The following DRAXIN variants were observed in gnomAD, a reference collection of about 807,000 sequenced individuals.
DRAXIN encodes the protein dorsal inhibitory axon guidance protein.
A neutral mutation model predicts 33.9 loss-of-function variants in DRAXIN; 27 were observed. The ratio of observed to expected loss-of-function variants is 0.80; its 90% confidence interval spans 0.59 to 1.10. The LOEUF is 1.10. DRAXIN is among the 50% of genes least tolerant of loss of function. The pLI is 0.00. For missense variants in DRAXIN, 371 were observed against 460.8 expected, an observed-to-expected ratio of 0.81 and a Z score of 1.78; for synonymous variants, 178 against 194.0, an observed-to-expected ratio of 0.92 and a Z score of 0.69.
chr1:11,701,908 TG>T (rs1335856680), intron 1 of DRAXIN, among the ~76,000 whole-genome samples: 1 of 152,182 alleles, frequency 6.6e-6, no homozygotes, highest in Non-Finnish European at 1.5e-5. Context: ...CCTGCCAGGC[TG>T]GCATCTCAGT....
intron 1 of DRAXIN, 112 bp downstream of exon 1, chr1:11,691,965 C>A (rs1435549785): frequency 6.6e-6 from 1 of 151,752 alleles, no homozygotes; most frequent in Admixed American, 6.6e-5. Context: ...GCGCGGGGTC[C>A]CGAGGCTGGA....
chr1:11,719,854 G>T lies in DRAXIN; in HGVS notation c.*158G>T. 7 of 692,320 alleles carry T rather than the reference G, an allele frequency of 1.0e-5. No individual in the cohort carries two copies. The highest frequency in any genetic ancestry group is 1.7e-5 in the Non-Finnish European group (7 of 404,544). The allele number at this position is 692,320 out of a possible 1,614,324, so 42.9% of individuals were successfully genotyped here. A position where few individuals can be genotyped will look rare whatever the true frequency, so the allele number is the denominator to read the frequency against. On this transcript the variant is annotated 3_prime_UTR_variant, in exon 7 of 7. Coordinates refer to ENST00000294485, the MANE Select transcript of DRAXIN (RefSeq NM_198545.4). ...CCAGGAGGGGAGCCGCTCGGCGAAT[G>T]AGCTGGGTGGGTGCCCAGGAGCCGG...
chr1:11,701,891 G>C (rs1641280630), intron 1 of DRAXIN, among the ~76,000 whole-genome samples: 1 of 152,170 alleles, frequency 6.6e-6, no homozygotes, highest in South Asian at 2.1e-4. Context: ...CGTTTCCTCG[G>C]GGGCTCCCTG....
chr1:11,706,753 C>T lies in DRAXIN; in HGVS notation c.451+44C>T. On this transcript the variant is annotated intron_variant, in intron 2 of 6. Coordinates refer to ENST00000294485, the MANE Select transcript of DRAXIN (RefSeq NM_198545.4). This position sits in a 1 kb window ranked among gnomAD's most constrained non-coding sequence, Gnocchi z 5.5. ...GGGGTGGGGATGGGGGTGATTCCTG[C>T]CATGGACTGAGGGGAGCAGGAGAGG... 1 of 1,493,656 alleles carries T rather than the reference C, an allele frequency of 6.7e-7. No individual in the cohort carries two copies. Among genetic ancestry groups the T allele is most frequent in the Non-Finnish European group, 8.9e-7 (1 of 1,122,354 alleles). 92.5% of individuals were successfully genotyped at this position (1,493,656 alleles called of 1,614,324 possible).
At chr1:11,709,219 A>C in intron 2 of DRAXIN, 56 bp from the exon 3 acceptor site, 1 of 1,517,838 alleles carries the variant, frequency 6.6e-7, no homozygotes, top group South Asian at 1.3e-5. Flanking sequence ...TCTACTGTAG[A>C]CTGCCACGAG....
chr1:11,712,256 T>G, intron 4 of DRAXIN, 84 bp from the exon 5 acceptor site: 1 of 1,474,644 alleles, frequency 6.8e-7, no homozygotes, highest in Non-Finnish European at 9.5e-7. Context: ...AGTGGTGGTA[T>G]GGGCACTCCA....
At chr1:11,715,326 A>G in intron 6 of DRAXIN, 118 bp downstream of exon 6, 3 of 1,289,728 alleles carry the variant, frequency 2.3e-6, no homozygotes, top group East Asian at 4.9e-5. Context: ...AGGGTGGATC[A>G]TGGGCCTGCG....
At chr1:11,690,460 A>G, upstream of DRAXIN, among the ~76,000 whole-genome samples, 1 of 152,234 alleles carries the variant, frequency 6.6e-6, no homozygotes, top group East Asian at 1.9e-4. This position sits in a 1 kb window ranked among gnomAD's most constrained non-coding sequence, Gnocchi z 4.2. Flanking sequence ...ATTCACGCCT[A>G]GAACACTGAA....
intron 1 of DRAXIN, among the ~76,000 whole-genome samples, chr1:11,693,534 C>T (rs560992134): frequency 1.3e-5 from 2 of 152,324 alleles, no homozygotes; most frequent in Admixed American, 1.3e-4. Flanking sequence ...TCCCAGCTGG[C>T]AGGTTCCAGG....
In DRAXIN at chr1:11,704,592, A is replaced by T. The variant is rs928772352; in HGVS notation, c.-10-1657A>T. ...GGGACAGAGCCTTCCGTTGCTGGTG[A>T]CGTGACCAGGACAGTAGCAGGGACT... On this transcript the variant is annotated intron_variant, in intron 1 of 6. Coordinates refer to ENST00000294485, the MANE Select transcript of DRAXIN (RefSeq NM_198545.4). The surrounding 1 kb of genome is among the most constrained non-coding windows in gnomAD (Gnocchi z 4.6). Among the ~76,000 whole-genome samples the T allele has an allele frequency of 6.6e-6, 1 of 152,178 alleles. No homozygotes were observed. Among genetic ancestry groups the T allele is most frequent in the Non-Finnish European group, 1.5e-5 (1 of 68,022 alleles).
At position 11,719,875 on chromosome 1, in the gene DRAXIN, G is replaced by A. The variant is rs893749184; in HGVS notation, c.*179G>A. 1.2e-4 allele frequency: 72 copies of A among 610,730 alleles called. No homozygotes were observed. The highest frequency in any genetic ancestry group is 2.6e-5 in the Non-Finnish European group (9 of 341,612). The allele number at this position is 610,730 out of a possible 1,614,324, so 37.8% of individuals were successfully genotyped here. ...GAATGAGCTGGGTGGGTGCCCAGGA[G>A]CCGGCCCGCAGCACCTGCACACACG... On this transcript the variant is annotated 3_prime_UTR_variant, in exon 7 of 7. Coordinates refer to ENST00000294485, the MANE Select transcript of DRAXIN (RefSeq NM_198545.4).
Position 11,706,767 on chromosome 1 carries a change from G to C in DRAXIN, c.451+58G>C. The C allele has an allele frequency of 6.8e-7, 1 of 1,466,308 alleles. No homozygotes were observed. The highest frequency in any genetic ancestry group is 1.3e-5 in the South Asian group (1 of 74,838). 90.8% of individuals were successfully genotyped at this position (1,466,308 alleles called of 1,614,324 possible). A position where few individuals can be genotyped will look rare whatever the true frequency, so the allele number is the denominator to read the frequency against. The stretch of plus-strand genomic sequence containing the variant: ...GGTGATTCCTGCCATGGACTGAGGG[G>C]AGCAGGAGAGGATGCAGGCAAGGGT... On this transcript the variant is annotated intron_variant, in intron 2 of 6. Transcript: ENST00000294485. This position sits in a 1 kb window ranked among gnomAD's most constrained non-coding sequence, Gnocchi z 5.5.
At chr1:11,717,208 G>A (rs370037163) in intron 6 of DRAXIN, among the ~76,000 whole-genome samples, 1 of 151,892 alleles carries the variant, frequency 6.6e-6, no homozygotes, top group Admixed American at 6.6e-5. Flanking sequence ...GCTTGAACCC[G>A]GGAGGCAGAG....
At position 11,695,617 on chromosome 1, in the gene DRAXIN, T is replaced by A. The variant is rs1042598765; in HGVS notation, c.-11+3764T>A. On this transcript the variant is annotated intron_variant, in intron 1 of 6. Coordinates refer to ENST00000294485, the MANE Select transcript of DRAXIN (RefSeq NM_198545.4). ...ATTCTGTCTCAAAAAAAAAAATATATATATATATATATACTTCAAAGGGTC... is the reference window on the plus strand; with the variant it reads ...ATTCTGTCTCAAAAAAAAAAATATAAATATATATATATACTTCAAAGGGTC... Among the ~76,000 whole-genome samples the A allele has an allele frequency of 5.9e-3, 869 of 148,546 alleles. 6 individuals carry two copies. The highest frequency in any genetic ancestry group is 0.019 in the African/African-American group (744 of 40,112).
intron 6 of DRAXIN, among the ~76,000 whole-genome samples, chr1:11,718,894 T>C (rs1157786294): frequency 3.3e-5 from 5 of 151,850 alleles, no homozygotes; most frequent in Admixed American, 6.6e-5. Flanking sequence ...ATTTGTTTGT[T>C]TGTTTGTTTG....
chr1:11,715,229 G>A (rs774252232), intron 6 of DRAXIN, 21 bp downstream of exon 6: 8 of 1,613,866 alleles, frequency 5.0e-6, no homozygotes, highest in South Asian at 2.2e-5. Flanking sequence ...ACTCCTTTGC[G>A]GGGGGCTACC....
chr1:11,701,047 G>A (rs1323024386), intron 1 of DRAXIN, among the ~76,000 whole-genome samples: 1 of 152,202 alleles, frequency 6.6e-6, no homozygotes, highest in Admixed American at 6.5e-5. Context: ...TTTGCATACG[G>A]CGATGCTGAC....
intron 1 of DRAXIN, among the ~76,000 whole-genome samples, chr1:11,698,213 C>G (rs1641222286): frequency 6.6e-6 from 1 of 152,162 alleles, no homozygotes; most frequent in Non-Finnish European, 1.5e-5. Context: ...ACTCTCGTTT[C>G]AAATTACCTT....
Position 11,725,134 on chromosome 1 carries a change from A to G in DRAXIN, c.*5438A>G, listed in dbSNP as rs1641721751. 6.6e-6 allele frequency: 1 copy of G among 152,110 alleles called. No homozygotes were observed. Among genetic ancestry groups the G allele is most frequent in the Admixed American group, 6.6e-5 (1 of 15,260 alleles). 9.4% of individuals were successfully genotyped at this position (152,110 alleles called of 1,614,324 possible). On this transcript the variant is annotated 3_prime_UTR_variant, in exon 7 of 7. Transcript: ENST00000294485. ...TGCAGAATCTTAGCCTAGGCAACAT[A>G]GGGAGACCTCATCTCTGCAAAAAAT... is the stretch of plus-strand genomic sequence containing the variant.
Sources: allele counts gnomAD v4.1 joint callset (sites outside exome capture counted in the v4.1 genomes callset), GRCh38; gene constraint gnomAD v4.1.1; non-coding constraint Gnocchi (gnomAD v3.1); transcripts MANE v1.5; gene names NCBI Gene and HGNC (gene_info 2026-07-23, HGNC 2026-07-21).